The following YIPF7 variants were observed in gnomAD, a reference collection of about 807,000 sequenced individuals.
YIPF7 encodes the protein protein YIPF7.
A neutral mutation model predicts 27.2 loss-of-function variants in YIPF7; 35 were observed. The observed-to-expected ratio is 1.29, with a 90% CI of 0.98 to 1.70. YIPF7 has a LOEUF of 1.70. Ranked by LOEUF, YIPF7 falls within the 40% of genes most tolerant of loss-of-function variation. The pLI, the probability that YIPF7 is intolerant of heterozygous loss-of-function variation, is 0.00. For missense variants in YIPF7, 358 were observed against 303.7 expected, an observed-to-expected ratio of 1.18 and a Z score of -1.33; for synonymous variants, 137 against 110.4, an observed-to-expected ratio of 1.24 and a Z score of -1.51.
At chr4:44,649,312 C>T (rs574532244) in intron 2 of YIPF7, among the ~76,000 whole-genome samples, 47 of 152,222 alleles carry the variant, frequency 3.1e-4, no homozygotes, top group African/African-American at 1.1e-3. Flanking sequence ...TTGGCTCAGG[C>T]TGAGGTGATA....
chr4:44,628,094 A>G (rs1049183693), intron 4 of YIPF7, among the ~76,000 whole-genome samples: 6 of 152,176 alleles, frequency 3.9e-5, no homozygotes, highest in African/African-American at 9.6e-5. Context: ...TGATTAATTG[A>G]CATGGCCTTA....
intron 2 of YIPF7, 34 bp downstream of exon 2, chr4:44,649,951 C>CAA (rs35447406): frequency 2.6e-3 from 2,395 of 927,740 alleles, no homozygotes; most frequent in East Asian, 7.3e-3. Context: ...GAGACTCTGT[C>CAA]AAAAAAAAAA....
chr4:44,625,915 G>A (rs1320152914), intron 4 of YIPF7, among the ~76,000 whole-genome samples: 2 of 152,056 alleles, frequency 1.3e-5, no homozygotes, highest in Non-Finnish European at 2.9e-5. Flanking sequence ...GTTTTCATGG[G>A]AATTAGACAA....
At chr4:44,637,764 TC>T (rs1713180700) in intron 2 of YIPF7, among the ~76,000 whole-genome samples, 1 of 152,124 alleles carries the variant, frequency 6.6e-6, no homozygotes. Context: ...TTCTCTCGAG[TC>T]CCCAAAGCCC....
At chr4:44,658,085 G>C (rs979774634) in intron 2 of YIPF7, among the ~76,000 whole-genome samples, 1 of 152,018 alleles carries the variant, frequency 6.6e-6, no homozygotes, top group South Asian at 2.1e-4. Context: ...TTTTTAAAAG[G>C]TGTTATAGAC....
At chr4:44,658,386 A>G (rs1242927002) in intron 2 of YIPF7, among the ~76,000 whole-genome samples, 7 of 152,188 alleles carry the variant, frequency 4.6e-5, no homozygotes. Context: ...CAGAACTAAG[A>G]AAAATAAATT....
At chr4:44,658,665 G>C (rs1235235296) in intron 2 of YIPF7, among the ~76,000 whole-genome samples, 1 of 152,172 alleles carries the variant, frequency 6.6e-6, no homozygotes, top group Non-Finnish European at 1.5e-5. Flanking sequence ...ATTTGTATTA[G>C]TAGTTTTCAT....
chr4:44,660,438 G>A (rs922392297), intron 2 of YIPF7: 2 of 152,142 alleles, frequency 1.3e-5, no homozygotes, highest in African/African-American at 4.8e-5. Flanking sequence ...CGACTGCCAT[G>A]TAATAAGTAC....
chr4:44,658,476 C>T lies in YIPF7; in HGVS notation c.-2+1973G>A, dbSNP rs534983385. Among the ~76,000 whole-genome samples, 18 of 152,252 alleles carry T rather than the reference C, an allele frequency of 1.2e-4. No homozygotes were observed. The East Asian group carries it at 2.3e-3, about 20-fold the overall frequency. On this transcript the variant is annotated intron_variant, in intron 2 of 2. Coordinates refer to the YIPF7 transcript ENST00000508947. ...GACTAAGACACTAATAATGGTTCTA[C>T]GCATCCTGGGAACTATAGTCTCCCC... is the stretch of plus-strand genomic sequence containing the variant.
intron 3 of YIPF7, among the ~76,000 whole-genome samples, chr4:44,629,945 C>G (rs776438102): frequency 3.9e-5 from 6 of 152,128 alleles, no homozygotes; most frequent in Non-Finnish European, 2.9e-5. Context: ...TATTGTCCAT[C>G]TAGATATTTC....
intron 2 of YIPF7, among the ~76,000 whole-genome samples, chr4:44,638,283 G>C (rs1713207889): frequency 6.6e-6 from 1 of 151,166 alleles, no homozygotes; most frequent in African/African-American, 2.4e-5. Flanking sequence ...TTATTGGCTG[G>C]GGGCCAAAGC....
rs750797715 is a variant in YIPF7, at chr4:44,629,552, T to TA, written c.281-5dup. 2 of 1,514,370 alleles carry TA rather than the reference T, an allele frequency of 1.3e-6. No homozygotes were observed. The highest frequency in any genetic ancestry group is 2.3e-5 in the Admixed American group (1 of 43,316). 93.8% of individuals were successfully genotyped at this position (1,514,370 alleles called of 1,614,324 possible). A position where few individuals can be genotyped will look rare whatever the true frequency, so the allele number is the denominator to read the frequency against. On this transcript the variant is annotated splice_polypyrimidine_tract_variant and splice_region_variant and intron_variant, in intron 3 of 5. Transcript: ENST00000415895. ...TGATCAAAATGGATTCCAAGTTCTGTAAAAAGGAAAAAAGATAAATAATAT... is the reference window on the plus strand; with the variant it reads ...TGATCAAAATGGATTCCAAGTTCTGTAAAAAAGGAAAAAAGATAAATAATAT...
chr4:44,642,167 C>A (rs1713347524), intron 2 of YIPF7, among the ~76,000 whole-genome samples: 1 of 152,100 alleles, frequency 6.6e-6, no homozygotes, highest in Non-Finnish European at 1.5e-5. Flanking sequence ...TGCAAAGCAA[C>A]CTCTGTGAAT....
chr4:44,635,038 A>C (rs191677879), intron 3 of YIPF7, among the ~76,000 whole-genome samples: 1 of 152,338 alleles, frequency 6.6e-6, no homozygotes, highest in Admixed American at 6.5e-5. Context: ...AAAAGAAAGA[A>C]GAATGTGGCT....
intron 5 of YIPF7, 53 bp from the exon 6 acceptor site, chr4:44,622,629 G>A: frequency 5.0e-6 from 8 of 1,585,054 alleles, no homozygotes; most frequent in Non-Finnish European, 3.4e-6. Flanking sequence ...AGAGATTATT[G>A]AGTTAAAGTT....
At chr4:44,658,736 T>A (rs1194210013) in intron 2 of YIPF7, among the ~76,000 whole-genome samples, 1 of 152,086 alleles carries the variant, frequency 6.6e-6, no homozygotes. Context: ...TGGTGGAAGG[T>A]GAGAGGCACA....
At chr4:44,661,682 CA>C (rs1400611768) in intron 1 of YIPF7, among the ~76,000 whole-genome samples, 2 of 152,146 alleles carry the variant, frequency 1.3e-5, no homozygotes, top group Non-Finnish European at 2.9e-5. Context: ...ATATATTTCC[CA>C]CCAGGGAGGA....
chr4:44,660,292 C>T (rs1282326759), intron 2 of YIPF7, among the ~76,000 whole-genome samples: 1 of 151,974 alleles, frequency 6.6e-6, no homozygotes, highest in Non-Finnish European at 1.5e-5. Context: ...ATTTCCTTCA[C>T]CTTGAATATA....
chr4:44,643,152 T>C (rs1713395120), intron 2 of YIPF7, among the ~76,000 whole-genome samples: 1 of 152,160 alleles, frequency 6.6e-6, no homozygotes, highest in Admixed American at 6.5e-5. Context: ...ATATGGACAA[T>C]GAAGTCTAGG....
Sources: gnomAD v4.1 joint callset for allele counts (sites outside exome capture counted in the v4.1 genomes callset) on GRCh38, gnomAD v4.1.1 for gene constraint, MANE v1.5 for transcripts, NCBI Gene and HGNC (gene_info 2026-07-23, HGNC 2026-07-21) for gene names.